ZDHHC21: variants seen among roughly 807,000 people sequenced by gnomAD.
ZDHHC21 encodes zDHHC palmitoyltransferase 21, also known as palmitoyltransferase ZDHHC21.
Under a neutral mutation model 34.6 loss-of-function variants are expected in ZDHHC21, and 15 were observed. The observed-to-expected ratio is 0.43, with a 90% CI of 0.29 to 0.67. The LOEUF (loss-of-function observed/expected upper bound fraction) is 0.67. Ranked by LOEUF, ZDHHC21 falls within the 30% of genes least tolerant of loss-of-function variation. The pLI, the probability that ZDHHC21 is intolerant of heterozygous loss-of-function variation, is 0.14. For missense variants in ZDHHC21, 344 were observed against 327.7 expected (o/e 1.05, Z -0.38); for synonymous variants, 142 against 101.8 (o/e 1.40, Z -2.38).
At chr9:14,590,742 G>C in the ZDHHC21 span, among the ~76,000 whole-genome samples, 4 of 152,098 alleles carry the variant, frequency 2.6e-5, no homozygotes, top group African/African-American at 9.7e-5. Context: ...CACAAGAAAT[G>C]TAAAAGGAAA....
intron 2 of ZDHHC21, 131 bp from the exon 3 acceptor site, chr9:14,680,293 T>C (rs549889708): frequency 6.6e-6 from 1 of 152,274 alleles, no homozygotes; most frequent in East Asian, 1.9e-4. Context: ...TTCAACTCCA[T>C]TTGATTCTGT....
chr9:14,688,275 T>C (rs988432555), intron 2 of ZDHHC21, among the ~76,000 whole-genome samples: 11 of 150,882 alleles, frequency 7.3e-5, no homozygotes, highest in Non-Finnish European at 1.3e-4. Context: ...AAATGAGAAA[T>C]TGACTGGCAA....
chr9:14,630,222 G>C (rs568396058), intron 8 of ZDHHC21, among the ~76,000 whole-genome samples: 1 of 152,292 alleles, frequency 6.6e-6, no homozygotes, highest in South Asian at 2.1e-4. Flanking sequence ...TACCAACTAA[G>C]TCCATATACT....
chr9:14,691,365 G>T (rs1326499441), intron 1 of ZDHHC21, among the ~76,000 whole-genome samples: 1 of 152,228 alleles, frequency 6.6e-6, no homozygotes, highest in Non-Finnish European at 1.5e-5. Flanking sequence ...GATTGTAACT[G>T]CAGAGACCAT....
intron 5 of ZDHHC21, among the ~76,000 whole-genome samples, chr9:14,664,290 G>A (rs943764408): frequency 1.3e-5 from 2 of 152,122 alleles, no homozygotes; most frequent in Non-Finnish European, 2.9e-5. Flanking sequence ...CTAATACTGC[G>A]CTTTTCAGAC....
At chr9:14,657,692 C>T (rs1024356840) in intron 7 of ZDHHC21, among the ~76,000 whole-genome samples, 2 of 152,074 alleles carry the variant, frequency 1.3e-5, no homozygotes, top group Non-Finnish European at 2.9e-5. Context: ...TGAATTTAAA[C>T]CAAGGCCCAT....
At position 14,647,757 on chromosome 9, in the gene ZDHHC21, C is replaced by A. The variant is rs559113572; in HGVS notation, c.505-7745G>T. Among the ~76,000 whole-genome samples, 25 of 152,216 alleles carry A rather than the reference C, an allele frequency of 1.6e-4. No individual in the cohort carries two copies. In the South Asian group the frequency reaches 4.8e-3, roughly 29 times the overall value. ...GCAGTCTTAGTCACCTTTCTTATTA[C>A]CTTTCGTCTTTCCAACTTCAAAAAC... is the stretch of plus-strand genomic sequence containing the variant. On this transcript the variant is annotated intron_variant, in intron 7 of 9. Coordinates refer to ENST00000380916, the MANE Select transcript of ZDHHC21 (RefSeq NM_178566.6).
rs1823500270 is a variant in ZDHHC21, at chr9:14,612,656, A to G, written c.*6310T>C. On this transcript the variant is annotated 3_prime_UTR_variant, in exon 10 of 10. Coordinates refer to ENST00000380916, the MANE Select transcript of ZDHHC21 (RefSeq NM_178566.6). ...ATCAGTTTTGCTTAAATCAAGGTAC[A>G]TATGCATTTCCTCTTGGGAAAGCAT... is the stretch of plus-strand genomic sequence containing the variant. 6.6e-6 allele frequency: 1 copy of G among 151,684 alleles called. No homozygotes were observed. Among genetic ancestry groups the G allele is most frequent in the South Asian group, 2.1e-4 (1 of 4,820 alleles). The allele number at this position is 151,684 out of a possible 1,614,324, so 9.4% of individuals were successfully genotyped here.
At chr9:14,685,682 G>A (rs912532187) in intron 2 of ZDHHC21, among the ~76,000 whole-genome samples, 1 of 152,184 alleles carries the variant, frequency 6.6e-6, no homozygotes, top group African/African-American at 2.4e-5. Context: ...AATACCATTT[G>A]ACCCAGCCAT....
At position 14,613,124 on chromosome 9, in the gene ZDHHC21, C is replaced by A. The variant is rs1823599407; in HGVS notation, c.*5842G>T. On this transcript the variant is annotated 3_prime_UTR_variant, in exon 10 of 10. Transcript: ENST00000380916. ...CTATATTAAAATACAAAATTAAAAT[C>A]CATACATGCCTACCTAAAAAAAAAT... 1 of 151,718 alleles carries A rather than the reference C, an allele frequency of 6.6e-6. No homozygotes were observed. The highest frequency in any genetic ancestry group is 2.4e-5 in the African/African-American group (1 of 41,366). The allele number at this position is 151,718 out of a possible 1,614,324, so 9.4% of individuals were successfully genotyped here. A position where few individuals can be genotyped will look rare whatever the true frequency, so the allele number is the denominator to read the frequency against.
intron 7 of ZDHHC21, among the ~76,000 whole-genome samples, chr9:14,649,954 A>G (rs1830935201): frequency 6.6e-6 from 1 of 152,118 alleles, no homozygotes; most frequent in Non-Finnish European, 1.5e-5. Context: ...AATTGCTGCC[A>G]GGTTTTAACC....
intron 7 of ZDHHC21, among the ~76,000 whole-genome samples, chr9:14,650,664 T>G (rs1314490511): frequency 2.0e-5 from 3 of 151,906 alleles, no homozygotes. Context: ...TGGCTATTTC[T>G]TTTTTTTGTT....
At chr9:14,660,103 A>T (rs1027208510) in intron 6 of ZDHHC21, among the ~76,000 whole-genome samples, 1 of 152,096 alleles carries the variant, frequency 6.6e-6, no homozygotes, top group Admixed American at 6.5e-5. Context: ...CGGTGACTCA[A>T]GCCTGTAATC....
At position 14,693,239 on chromosome 9, in the gene ZDHHC21, GGCTCGCCTCTCGCTGCCGCC is replaced by G. The variant is rs1456570990; in HGVS notation, c.-255_-236del. On this transcript the variant is annotated 5_prime_UTR_variant, in exon 1 of 10. It introduces an in-frame stop codon into an upstream open reading frame of the 5' UTR. Coordinates refer to ENST00000380916, the MANE Select transcript of ZDHHC21 (RefSeq NM_178566.6). ...CGCCTGCACACTCACCGTCGCCGCTGGCTCGCCTCTCGCTGCCGCCGCTCTCCCGACCGCCAGCAGCTCTT... is the reference window on the plus strand; with the variant it reads ...CGCCTGCACACTCACCGTCGCCGCTGGCTCTCCCGACCGCCAGCAGCTCTT... 7 of 409,662 alleles carry G rather than the reference GGCTCGCCTCTCGCTGCCGCC, an allele frequency of 1.7e-5. No homozygotes were observed. In the East Asian group the frequency reaches 8.6e-4, roughly 50 times the overall value. 25.4% of individuals were successfully genotyped at this position (409,662 alleles called of 1,614,324 possible). A position where few individuals can be genotyped will look rare whatever the true frequency, so the allele number is the denominator to read the frequency against.
intron 8 of ZDHHC21, among the ~76,000 whole-genome samples, chr9:14,638,375 C>T (rs892258108): frequency 2.0e-5 from 3 of 151,910 alleles, no homozygotes; most frequent in African/African-American, 7.2e-5. Context: ...CCATTTCTCA[C>T]CATATACAGA....
the ZDHHC21 span, among the ~76,000 whole-genome samples, chr9:14,598,955 G>T: frequency 2.6e-5 from 4 of 151,978 alleles, no homozygotes; most frequent in East Asian, 1.9e-4. Flanking sequence ...TAGAGACAGG[G>T]TTTCACCATG....
intron 8 of ZDHHC21, among the ~76,000 whole-genome samples, chr9:14,632,064 A>AACACAC (rs760320176): frequency 1.1e-4 from 15 of 135,068 alleles, no homozygotes; most frequent in South Asian, 2.2e-4. Context: ...AACACACACA[A>AACACAC]ACACACACAC....
At position 14,659,936 on chromosome 9, in the gene ZDHHC21, T is replaced by C. The variant is rs536890420; in HGVS notation, c.366-1049A>G. ...CCGATTGAAAGATGACTTATCATTGTTCCATCTTTCCTGTCCCCAGGAAGT... is the reference window on the plus strand; with the variant it reads ...CCGATTGAAAGATGACTTATCATTGCTCCATCTTTCCTGTCCCCAGGAAGT... On this transcript the variant is annotated intron_variant, in intron 6 of 9. Transcript: ENST00000380916. Among the ~76,000 whole-genome samples the C allele has an allele frequency of 4.6e-5, 7 of 152,308 alleles. No individual in the cohort carries two copies. In the South Asian group the frequency reaches 1.5e-3, roughly 32 times the overall value.
At chr9:14,635,832 G>C (rs1307041028) in intron 8 of ZDHHC21, among the ~76,000 whole-genome samples, 1 of 152,112 alleles carries the variant, frequency 6.6e-6, no homozygotes, top group Non-Finnish European at 1.5e-5. Context: ...CTGCACTCTA[G>C]CCTAGGCAAT....
Sources: allele counts gnomAD v4.1 joint callset (sites outside exome capture counted in the v4.1 genomes callset), GRCh38; gene constraint gnomAD v4.1.1; transcripts MANE v1.5; gene names NCBI Gene and HGNC (gene_info 2026-07-23, HGNC 2026-07-21).